The following DCAF8L2 variants were observed in gnomAD, a reference collection of about 807,000 sequenced individuals.
DCAF8L2 encodes the protein DDB1 and CUL4 associated factor 8 like 2, also known as DDB1- and CUL4-associated factor 8-like protein 2.
For missense variants in DCAF8L2, 430 were observed against 490.7 expected (o/e 0.88, Z 1.17); for synonymous variants, 200 against 190.9 (o/e 1.05, Z -0.39).
At chrX:27,716,817 T>A (rs1931716585) in intron 4 of DCAF8L2, among the ~76,000 whole-genome samples, 1 of 111,970 alleles carries the variant, frequency 8.9e-6, no homozygotes, top group Non-Finnish European at 1.9e-5. Context: ...GTTTACTGCA[T>A]CTATCAACCC....
At chrX:27,546,632 G>A in the DCAF8L2 span, among the ~76,000 whole-genome samples, 126 of 112,409 alleles carry the variant, frequency 1.1e-3, no homozygotes, top group African/African-American at 3.5e-3. Flanking sequence ...CCCAAACCTC[G>A]ATTCTTGACT....
the DCAF8L2 span, among the ~76,000 whole-genome samples, chrX:27,469,276 G>T: frequency 8.9e-6 from 1 of 111,823 alleles, no homozygotes; most frequent in African/African-American, 3.2e-5. Flanking sequence ...GTAATTCATA[G>T]ATCTTTTCTT....
chrX:27,495,242 CTG>C, the DCAF8L2 span, among the ~76,000 whole-genome samples: 7 of 111,949 alleles, frequency 6.3e-5, no homozygotes, highest in African/African-American at 2.3e-4. Context: ...TTTATGCACT[CTG>C]TATTCTGTTG....
intron 1 of DCAF8L2, among the ~76,000 whole-genome samples, chrX:27,620,037 A>G (rs1927681791): frequency 1.8e-5 from 2 of 111,697 alleles, no homozygotes; most frequent in Non-Finnish European, 3.8e-5. Context: ...AGTTACAAAA[A>G]TTATTAAACT....
chrX:27,747,269 G>GGGA lies in DCAF8L2; in HGVS notation c.384_386dup (p.Glu147dup), dbSNP rs1180326477. The GGGA allele has an allele frequency of 3.6e-4, 397 of 1,100,007 alleles. 1 individual carries two copies. In the African/African-American group the frequency reaches 8.0e-3, roughly 22 times the overall value. The allele number at this position is 1,100,007 out of a possible 1,213,427, so 90.7% of individuals were successfully genotyped here. A position where few individuals can be genotyped will look rare whatever the true frequency, so the allele number is the denominator to read the frequency against. On this transcript the variant is annotated inframe_insertion, in exon 5 of 5. Coordinates refer to ENST00000451261, the MANE Select transcript of DCAF8L2 (RefSeq NM_001353450.2). Reference sequence around the variant, plus strand: ...GACGAAGAGATACAAGAGGAGGGAGGGGAGGAGGAGGAAGAGGAGGAGGAG... The same window carrying GGGA: ...GACGAAGAGATACAAGAGGAGGGAGGGGAGGAGGAGGAGGAAGAGGAGGAGGAG...
At chrX:27,501,729 G>A in the DCAF8L2 span, among the ~76,000 whole-genome samples, 1 of 111,398 alleles carries the variant, frequency 9.0e-6, no homozygotes, top group Non-Finnish European at 1.9e-5. Context: ...TCACTGTTGA[G>A]GAAGCCTGGG....
At chrX:27,572,670 T>G in the DCAF8L2 span, among the ~76,000 whole-genome samples, 2 of 111,249 alleles carry the variant, frequency 1.8e-5, no homozygotes, top group African/African-American at 6.5e-5. Context: ...AGAAATGGAG[T>G]ATAGCCCAGT....
At chrX:27,547,035 A>G in the DCAF8L2 span, among the ~76,000 whole-genome samples, 1 of 112,202 alleles carries the variant, frequency 8.9e-6, no homozygotes, top group Non-Finnish European at 1.9e-5. Flanking sequence ...AAATTTTCCA[A>G]ACTTTTATGC....
chrX:27,579,459 T>C, the DCAF8L2 span, among the ~76,000 whole-genome samples: 1 of 110,468 alleles, frequency 9.1e-6, no homozygotes, highest in East Asian at 2.8e-4. Flanking sequence ...CATGTGGGGC[T>C]TAATACCTGG....
At chrX:27,627,334 T>C (rs1306814622) in intron 1 of DCAF8L2, 2 of 111,360 alleles carry the variant, frequency 1.8e-5, no homozygotes, top group Non-Finnish European at 3.8e-5. Flanking sequence ...ATTCCTTTTT[T>C]TTTTCTTTTT....
At chrX:27,468,960 C>T in the DCAF8L2 span, among the ~76,000 whole-genome samples, 1 of 111,837 alleles carries the variant, frequency 8.9e-6, no homozygotes, top group Non-Finnish European at 1.9e-5. Flanking sequence ...TATGTGTACA[C>T]TGCAGCAGTC....
At chrX:27,505,835 C>T in the DCAF8L2 span, among the ~76,000 whole-genome samples, 4 of 112,023 alleles carry the variant, frequency 3.6e-5, no homozygotes, top group Admixed American at 1.9e-4. Flanking sequence ...GACAGGTCCT[C>T]ATGTCAGGGA....
chrX:27,647,377 G>T (rs1266003879), intron 2 of DCAF8L2, among the ~76,000 whole-genome samples: 1 of 111,030 alleles, frequency 9.0e-6, no homozygotes, highest in African/African-American at 3.3e-5. Flanking sequence ...ATGGACACAG[G>T]GTGGGGAACA....
intron 2 of DCAF8L2, among the ~76,000 whole-genome samples, chrX:27,673,450 G>A (rs1400115474): frequency 2.9e-5 from 3 of 101,845 alleles, no homozygotes; most frequent in African/African-American, 1.1e-4. Context: ...GGAGGTTACA[G>A]TGAGCCGAGA....
At chrX:27,618,726 G>T (rs1602662832) in intron 1 of DCAF8L2, among the ~76,000 whole-genome samples, 1 of 111,399 alleles carries the variant, frequency 9.0e-6, no homozygotes, top group Non-Finnish European at 1.9e-5. Flanking sequence ...TGTATGTGAA[G>T]TGATCAACTT....
upstream of DCAF8L2, among the ~76,000 whole-genome samples, chrX:27,587,985 A>AAAAAAAAAT: frequency 2.2e-4 from 5 of 22,371 alleles, no homozygotes; most frequent in African/African-American, 4.9e-4. Context: ...TAAAAAAAAA[A>AAAAAAAAAT]ATATATATAT....
intron 4 of DCAF8L2, among the ~76,000 whole-genome samples, chrX:27,718,006 T>A (rs1931760526): frequency 8.9e-6 from 1 of 112,279 alleles, no homozygotes; most frequent in South Asian, 3.6e-4. Flanking sequence ...TTAACAATGT[T>A]ATAATTAACA....
chrX:27,687,822 T>C (rs761204050), intron 3 of DCAF8L2, among the ~76,000 whole-genome samples: 2 of 112,196 alleles, frequency 1.8e-5, no homozygotes, highest in Admixed American at 9.5e-5. Context: ...TGAGACCCTG[T>C]CTCTGAAAAG....
chrX:27,714,703 T>C (rs984817444), intron 3 of DCAF8L2, among the ~76,000 whole-genome samples: 1 of 111,226 alleles, frequency 9.0e-6, no homozygotes, highest in African/African-American at 3.3e-5. Context: ...TTTGAGAAAA[T>C]CATGTTTTCT....
Sources: gnomAD v4.1 joint callset for allele counts (sites outside exome capture counted in the v4.1 genomes callset) on GRCh38, gnomAD v4.1.1 for gene constraint, MANE v1.5 for transcripts, NCBI Gene and HGNC (gene_info 2026-07-23, HGNC 2026-07-21) for gene names.